BCKDHB: variants seen among roughly 807,000 people sequenced by gnomAD.
BCKDHB encodes 2-oxoisovalerate dehydrogenase subunit beta, mitochondrial.
Under a neutral mutation model 48.5 loss-of-function variants are expected in BCKDHB, and 41 were observed. That is an observed-to-expected ratio of 0.85 (90% confidence interval 0.66 to 1.10). The LOEUF is 1.10. Ranked by LOEUF, BCKDHB falls within the 50% of genes least tolerant of loss-of-function variation. BCKDHB has a pLI of 0.00. For missense variants in BCKDHB, 496 were observed against 494.2 expected, an observed-to-expected ratio of 1.00 and a Z score of -0.03; for synonymous variants, 201 against 174.8, an observed-to-expected ratio of 1.15 and a Z score of -1.18.
At chr6:80,335,361 T>C (rs750125931) in intron 9 of BCKDHB, among the ~76,000 whole-genome samples, 1 of 152,042 alleles carries the variant, frequency 6.6e-6, no homozygotes, top group African/African-American at 2.4e-5. Flanking sequence ...GATTTGTTCA[T>C]GAGATGACCC....
chr6:80,174,214 T>C (rs17752482), intron 6 of BCKDHB, among the ~76,000 whole-genome samples: 2,565 of 152,204 alleles, frequency 0.017, 27 homozygotes, highest in Non-Finnish European at 0.026. Context: ...TTTAGAAGAG[T>C]TCATATTGGG....
At chr6:80,262,537 G>C (rs1357415389) in intron 8 of BCKDHB, among the ~76,000 whole-genome samples, 2 of 152,034 alleles carry the variant, frequency 1.3e-5, no homozygotes, top group African/African-American at 4.8e-5. Context: ...AAGACTTAAT[G>C]GCAGTTTACA....
At chr6:80,265,564 A>T (rs983097682) in intron 8 of BCKDHB, among the ~76,000 whole-genome samples, 1 of 152,096 alleles carries the variant, frequency 6.6e-6, no homozygotes, top group East Asian at 1.9e-4. Context: ...ATGAGGAGTT[A>T]TTGTTTAATG....
At chr6:80,411,881 G>C in the BCKDHB span, among the ~76,000 whole-genome samples, 1 of 152,220 alleles carries the variant, frequency 6.6e-6, no homozygotes, top group Non-Finnish European at 1.5e-5. Context: ...CCTTGGTTAG[G>C]AAAGGGAAAT....
At chr6:80,377,098 T>C in the BCKDHB span, among the ~76,000 whole-genome samples, 9 of 151,174 alleles carry the variant, frequency 6.0e-5, no homozygotes, top group African/African-American at 2.2e-4. Context: ...TAGAGTTTAG[T>C]GGTACAATCT....
chr6:80,174,472 A>G (rs1443979091), intron 6 of BCKDHB, among the ~76,000 whole-genome samples: 2 of 152,156 alleles, frequency 1.3e-5, no homozygotes, highest in Non-Finnish European at 2.9e-5. Context: ...ACGTGCATGT[A>G]CAAAAAGTTG....
At chr6:80,211,807 CTT>C (rs1774946568) in intron 8 of BCKDHB, among the ~76,000 whole-genome samples, 1 of 152,132 alleles carries the variant, frequency 6.6e-6, no homozygotes, top group Non-Finnish European at 1.5e-5. Flanking sequence ...AAAGAGAGGA[CTT>C]TTACAGCTGG....
chr6:80,259,662 C>A (rs1470538241), intron 8 of BCKDHB, among the ~76,000 whole-genome samples: 1 of 151,818 alleles, frequency 6.6e-6, no homozygotes, highest in Non-Finnish European at 1.5e-5. Flanking sequence ...ATAATGATAC[C>A]CTAACATGTT....
At chr6:80,421,709 T>C in the BCKDHB span, among the ~76,000 whole-genome samples, 1 of 152,128 alleles carries the variant, frequency 6.6e-6, no homozygotes, top group African/African-American at 2.4e-5. Flanking sequence ...GCCCTAGAGA[T>C]CTGGGGAAAT....
chr6:80,172,383 AGAACAT>A (rs1173950374), intron 6 of BCKDHB, among the ~76,000 whole-genome samples: 1 of 152,120 alleles, frequency 6.6e-6, no homozygotes, highest in Non-Finnish European at 1.5e-5. Flanking sequence ...GTACAATATT[AGAACAT>A]TACTACTAAA....
the BCKDHB span, among the ~76,000 whole-genome samples, chr6:80,392,495 G>A: frequency 6.6e-6 from 1 of 150,772 alleles, no homozygotes; most frequent in Non-Finnish European, 1.5e-5. Flanking sequence ...GTTTATTATG[G>A]TTTAAATTTG....
chr6:80,121,122 C>T (rs896912281), intron 1 of BCKDHB, among the ~76,000 whole-genome samples: 1 of 152,178 alleles, frequency 6.6e-6, no homozygotes. Context: ...AATAGGGAAT[C>T]CTTTCCCCAT....
At chr6:80,431,495 T>C in the BCKDHB span, among the ~76,000 whole-genome samples, 1 of 152,224 alleles carries the variant, frequency 6.6e-6, no homozygotes, top group Non-Finnish European at 1.5e-5. Context: ...TTTATGAATC[T>C]GGGTGCTCCT....
At chr6:80,166,866 C>T (rs919696978) in intron 3 of BCKDHB, among the ~76,000 whole-genome samples, 2 of 152,026 alleles carry the variant, frequency 1.3e-5, no homozygotes, top group African/African-American at 4.8e-5. Context: ...GGTGCAGTGT[C>T]CTTTGTATGT....
chr6:80,302,947 G>C (rs1353145378), intron 9 of BCKDHB, among the ~76,000 whole-genome samples: 1 of 152,060 alleles, frequency 6.6e-6, no homozygotes, highest in African/African-American at 2.4e-5. Context: ...TCATGTTTGA[G>C]ATTCACAAAT....
chr6:80,340,187 G>C (rs1348028170), intron 9 of BCKDHB, among the ~76,000 whole-genome samples: 1 of 152,182 alleles, frequency 6.6e-6, no homozygotes. Context: ...AGCGTCTTTT[G>C]GAAGAAATAG....
intron 8 of BCKDHB, among the ~76,000 whole-genome samples, chr6:80,271,379 T>C (rs886417349): frequency 2.6e-5 from 4 of 152,162 alleles, no homozygotes; most frequent in Non-Finnish European, 4.4e-5. Context: ...TTACAAATCA[T>C]GTTGAATCAA....
At chr6:80,307,401 T>A in intron 9 of BCKDHB, 1 of 980,298 alleles carries the variant, frequency 1.0e-6, no homozygotes, top group Non-Finnish European at 1.2e-6. Flanking sequence ...AAAATTGAAC[T>A]GTATCCAATA....
chr6:80,402,247 G>A, the BCKDHB span, among the ~76,000 whole-genome samples: 1 of 151,736 alleles, frequency 6.6e-6, no homozygotes, highest in African/African-American at 2.4e-5. Flanking sequence ...GTGTACAAGG[G>A]TTCCCTTTTT....
Sources: gnomAD v4.1 joint callset for allele counts (sites outside exome capture counted in the v4.1 genomes callset) on GRCh38, gnomAD v4.1.1 for gene constraint, MANE v1.5 for transcripts, NCBI Gene and HGNC (gene_info 2026-07-23, HGNC 2026-07-21) for gene names.